ANKRD30A: variants seen among roughly 807,000 people sequenced by gnomAD.
ANKRD30A encodes the protein ankyrin repeat domain 30A, also known as ankyrin repeat domain-containing protein 30A.
ANKRD30A carries 170 observed loss-of-function variants against 166.3 expected under a neutral mutation model. The observed-to-expected ratio is 1.02, with a 90% CI of 0.90 to 1.16. The LOEUF (loss-of-function observed/expected upper bound fraction) is 1.16. Ranked by LOEUF, ANKRD30A falls within the 50% of genes most tolerant of loss-of-function variation. ANKRD30A has a pLI of 0.00. For missense variants in ANKRD30A, 1,630 were observed against 1,518.0 expected, an observed-to-expected ratio of 1.07 and a Z score of -1.23; for synonymous variants, 564 against 508.9, an observed-to-expected ratio of 1.11 and a Z score of -1.46.
chr10:37,134,201 A>T, intron 5 of ANKRD30A, 148 bp downstream of exon 5: 1 of 962,522 alleles, frequency 1.0e-6, no homozygotes, highest in Non-Finnish European at 1.6e-6. Context: ...TCTTTATTTT[A>T]GGACTTTCAA....
chr10:37,163,054 C>T (rs1489606864), intron 17 of ANKRD30A, among the ~76,000 whole-genome samples: 2 of 152,014 alleles, frequency 1.3e-5, no homozygotes, highest in African/African-American at 4.8e-5. Context: ...TAGCCTTAAT[C>T]TCAGATGTTT....
chr10:37,140,124 A>G (rs1262925851), intron 6 of ANKRD30A, among the ~76,000 whole-genome samples: 1 of 152,232 alleles, frequency 6.6e-6, no homozygotes, highest in Non-Finnish European at 1.5e-5. Flanking sequence ...GTGAATTATT[A>G]TACATAAAGA....
intron 7 of ANKRD30A, among the ~76,000 whole-genome samples, chr10:37,144,743 G>A (rs1349949566): frequency 6.6e-6 from 1 of 152,038 alleles, no homozygotes; most frequent in East Asian, 1.9e-4. Flanking sequence ...CTTTTGTGAA[G>A]AAATAATTAA....
At chr10:37,154,547 G>A (rs1377705316) in intron 13 of ANKRD30A, among the ~76,000 whole-genome samples, 1 of 152,118 alleles carries the variant, frequency 6.6e-6, no homozygotes, top group Non-Finnish European at 1.5e-5. Context: ...GGGAGAAGAA[G>A]AAAGGGGCAA....
At chr10:37,222,859 A>G (rs1035072264) in intron 34 of ANKRD30A, among the ~76,000 whole-genome samples, 1 of 151,484 alleles carries the variant, frequency 6.6e-6, no homozygotes, top group African/African-American at 2.4e-5. Flanking sequence ...CATGAGACAT[A>G]ATCATGTCTT....
chr10:37,172,591 C>A (rs1588861202), intron 21 of ANKRD30A, among the ~76,000 whole-genome samples: 1 of 118,268 alleles, frequency 8.5e-6, no homozygotes, highest in Non-Finnish European at 1.7e-5. Context: ...AGTCAGGTAA[C>A]GGGACAAACA....
At chr10:37,159,641 G>C (rs1169615750) in intron 15 of ANKRD30A, among the ~76,000 whole-genome samples, 1 of 152,042 alleles carries the variant, frequency 6.6e-6, no homozygotes, top group Non-Finnish European at 1.5e-5. Flanking sequence ...GCTATATGTA[G>C]AATTTGTTTT....
intron 27 of ANKRD30A, among the ~76,000 whole-genome samples, chr10:37,194,019 A>AC (rs1840837021): frequency 6.6e-6 from 1 of 151,908 alleles, no homozygotes; most frequent in Admixed American, 6.6e-5. Context: ...AATTAGTGAA[A>AC]CCCCATCTCT....
chr10:37,201,302 A>G lies in ANKRD30A; in HGVS notation c.2846A>G (p.Asp949Gly), dbSNP rs764620532. The G allele has an allele frequency of 6.3e-7, 1 of 1,591,606 alleles. No individual in the cohort carries two copies. The highest frequency in any genetic ancestry group is 1.8e-5 in the Admixed American group (1 of 55,950). Residue 949 changes from aspartate (D) to glycine (G), a missense_variant, in exon 31 of 36, where the codon GAT becomes GGT. Asp to Gly is a moderately conservative substitution (Grantham distance 94). Around this residue, in one of 4 missense-constraint regions of ANKRD30A, gnomAD observed 712 missense variants for 629.3 expected, o/e 1.13. Transcript: ENST00000361713. ...AAGGCTACACATCAAAAAGAAATGGATAAAATAAGTGGAAAATTAGAAGGT... is the reference window on the plus strand; with the variant it reads ...AAGGCTACACATCAAAAAGAAATGGGTAAAATAAGTGGAAAATTAGAAGGT... ...VPKATHQKEM[D>G]KISGKLEDST...
chr10:37,158,269 C>A, intron 13 of ANKRD30A, 123 bp from the exon 14 acceptor site: 1 of 1,427,584 alleles, frequency 7.0e-7, no homozygotes, highest in Non-Finnish European at 9.5e-7. Context: ...GACCCCAAAA[C>A]ATAGTGTAAT....
chr10:37,172,543 CTTTTTT>C, intron 21 of ANKRD30A, among the ~76,000 whole-genome samples: 1 of 83,054 alleles, frequency 1.2e-5, no homozygotes, highest in South Asian at 4.0e-4. Flanking sequence ...TTTTTAATTT[CTTTTTT>C]TTTTTTTTTT....
At chr10:37,162,024 A>G (rs1284720140) in intron 15 of ANKRD30A, among the ~76,000 whole-genome samples, 3 of 152,056 alleles carry the variant, frequency 2.0e-5, no homozygotes, top group East Asian at 1.9e-4. Flanking sequence ...AAAGCTTATT[A>G]TAGATTATTT....
At chr10:37,136,849 A>ATG (rs1564470632) in intron 6 of ANKRD30A, among the ~76,000 whole-genome samples, 178 bp downstream of exon 6, 13 of 151,032 alleles carry the variant, frequency 8.6e-5, no homozygotes, top group East Asian at 7.8e-4. Context: ...ATATATATAT[A>ATG]TAGCTTTGAT....
chr10:37,139,696 A>G (rs1024248626), intron 6 of ANKRD30A, among the ~76,000 whole-genome samples: 10 of 152,232 alleles, frequency 6.6e-5, no homozygotes, highest in African/African-American at 2.4e-4. Context: ...AACTCCCACA[A>G]TAACCTATGA....
chr10:37,254,345 A>T, the ANKRD30A span, among the ~76,000 whole-genome samples: 7 of 152,254 alleles, frequency 4.6e-5, no homozygotes, highest in African/African-American at 1.7e-4. Flanking sequence ...TGTATGAAAG[A>T]TCTAATTTCT....
At chr10:37,183,032 T>C (rs1230980408) in intron 24 of ANKRD30A, among the ~76,000 whole-genome samples, 1 of 150,132 alleles carries the variant, frequency 6.7e-6, no homozygotes, top group Non-Finnish European at 1.5e-5. Flanking sequence ...TTTGCCATGT[T>C]AACTCTAAAA....
At chr10:37,211,101 CTTATGT>C (rs1842286550) in intron 31 of ANKRD30A, among the ~76,000 whole-genome samples, 1 of 151,384 alleles carries the variant, frequency 6.6e-6, no homozygotes, top group African/African-American at 2.4e-5. Flanking sequence ...GGTTTTAGGT[CTTATGT>C]TTAAGTGTTT....
chr10:37,220,290 C>G (rs1158001556), intron 34 of ANKRD30A, among the ~76,000 whole-genome samples: 2 of 150,538 alleles, frequency 1.3e-5, no homozygotes, highest in Non-Finnish European at 3.0e-5. Flanking sequence ...TGGGAATGCC[C>G]GTATCAGCAA....
chr10:37,253,486 A>G, the ANKRD30A span, among the ~76,000 whole-genome samples: 1 of 152,130 alleles, frequency 6.6e-6, no homozygotes, highest in Admixed American at 6.5e-5. Flanking sequence ...TTCATTAACC[A>G]TCACTCTCTA....
Sources: allele counts gnomAD v4.1 joint callset (sites outside exome capture counted in the v4.1 genomes callset), GRCh38; gene constraint gnomAD v4.1.1; regional missense constraint gnomAD v4.1.1; transcripts MANE v1.5; gene names NCBI Gene and HGNC (gene_info 2026-07-23, HGNC 2026-07-21).